Variants in THEMIS2 observed in about 807,000 individuals in gnomAD.
THEMIS2 encodes the protein protein THEMIS2.
THEMIS2 carries 29 observed loss-of-function variants against 46.8 expected under a neutral mutation model. That is an observed-to-expected ratio of 0.62 (90% CI 0.46 to 0.84). The LOEUF is 0.84. Ranked by LOEUF, THEMIS2 falls within the 40% of genes least tolerant of loss-of-function variation. The probability of loss-of-function intolerance (pLI) is 0.00; values close to 1 mark genes in which losing one functional copy is unlikely to be tolerated. For synonymous variants in THEMIS2, 335 were observed against 349.1 expected, an observed-to-expected ratio of 0.96 and a Z score of 0.45; for missense variants, 698 against 834.7, an observed-to-expected ratio of 0.84 and a Z score of 2.02.
Position 27,882,738 on chromosome 1 carries a change from T to C in THEMIS2, c.1414T>C (p.Phe472Leu), listed in dbSNP as rs780773033. 12 of 1,613,916 alleles carry C rather than the reference T, an allele frequency of 7.4e-6. No individual in the cohort carries two copies. Among genetic ancestry groups the C allele is most frequent in the Non-Finnish European group, 9.3e-6 (11 of 1,179,982 alleles). ...CCACCCCACTGACCCTCTGACCTCC[T>C]TCCTGGGCCTGCGGCTGGAGGAGAA... ...TSHPTDPLTS[F>L]LGLRLEEKIT... The change falls in exon 4 of 6, where the codon TTC (phenylalanine) becomes CTC (leucine). Residue 472 changes from phenylalanine to leucine, a missense_variant. By Grantham distance (22) the Phe-to-Leu change is conservative. Coordinates refer to ENST00000373921, the MANE Select transcript of THEMIS2 (RefSeq NM_001105556.3). This position sits in a 1 kb window ranked among gnomAD's most constrained non-coding sequence, Gnocchi z 7.6.
At position 27,882,785 on chromosome 1, in the gene THEMIS2, G is replaced by C; in HGVS notation, c.1461G>C (p.Val487=). ...LEEKITEPFL[V]VSLDSEPGMC... ...AGAAGATCACAGAGCCATTCTTGGT[G>C]GTGAGCCTAGACTCTGAGCCTGGGA... The change falls in exon 4 of 6, where the codon GTG becomes GTC. Residue 487 remains valine, a synonymous_variant. Transcript: ENST00000373921. This position sits in a 1 kb window ranked among gnomAD's most constrained non-coding sequence, Gnocchi z 7.6. 2 of 1,614,018 alleles carry C rather than the reference G, an allele frequency of 1.2e-6. No individual in the cohort carries two copies. Among genetic ancestry groups the C allele is most frequent in the Non-Finnish European group, 8.5e-7 (1 of 1,179,944 alleles).
rs2089765054 is a variant in THEMIS2 at position 27,885,989 on chromosome 1, A to G, written c.*67A>G. 4 of 1,505,730 alleles carry G rather than the reference A, an allele frequency of 2.7e-6. No homozygotes were observed. Among genetic ancestry groups the G allele is most frequent in the Non-Finnish European group, 3.7e-6 (4 of 1,084,038 alleles). The allele number at this position is 1,505,730 out of a possible 1,614,324, so 93.3% of individuals were successfully genotyped here. On this transcript the variant is annotated 3_prime_UTR_variant, in exon 6 of 6. Transcript: ENST00000373921. ...AATCCGACACCAGCCAACCATTTTA[A>G]GCCTCTAAAAGACCTCGGGCAAGTC...
Position 27,886,143 on chromosome 1 carries a change from C to G in THEMIS2, c.*221C>G. ...GCTGGTTTGGACCTAACATCTCGCA[C>G]GTGACTCCCTCAGCCTCAGAGCCTT... is the stretch of plus-strand genomic sequence containing the variant. On this transcript the variant is annotated 3_prime_UTR_variant, in exon 6 of 6. Coordinates refer to ENST00000373921, the MANE Select transcript of THEMIS2 (RefSeq NM_001105556.3). 1 of 554,284 alleles carries G rather than the reference C, an allele frequency of 1.8e-6. No homozygotes were observed. The highest frequency in any genetic ancestry group is 3.1e-5 in the East Asian group (1 of 32,592). 34.3% of individuals were successfully genotyped at this position (554,284 alleles called of 1,614,324 possible).
chr1:27,875,786 C>T lies in THEMIS2; in HGVS notation c.95-802C>T, dbSNP rs548253677. Among the ~76,000 whole-genome samples the T allele has an allele frequency of 2.8e-3, 430 of 152,150 alleles. 2 individuals carry two copies. The highest frequency in any genetic ancestry group is 4.4e-3 in the Non-Finnish European group (301 of 67,994). The stretch of plus-strand genomic sequence containing the variant: ...CGTGATCTCGGCTCACTGCAAGCTC[C>T]GCCTCCCGGGTTCACGCCATTCTCC... On this transcript the variant is annotated intron_variant, in intron 1 of 5. Transcript: ENST00000373921.
rs1309670244 is a variant in THEMIS2 at position 27,872,549 on chromosome 1, G to A, written c.-23G>A. 1 of 1,474,852 alleles carries A rather than the reference G, an allele frequency of 6.8e-7. No homozygotes were observed. The allele number at this position is 1,474,852 out of a possible 1,614,324, so 91.4% of individuals were successfully genotyped here. Reference sequence around the variant, plus strand: ...GGACCGCCCGCCCGCCCCTCAGTCTGAGCCCAGAGAGCCGCGGGGACCATG... The same window carrying A: ...GGACCGCCCGCCCGCCCCTCAGTCTAAGCCCAGAGAGCCGCGGGGACCATG... On this transcript the variant is annotated 5_prime_UTR_variant, in exon 1 of 6. Coordinates refer to ENST00000373921, the MANE Select transcript of THEMIS2 (RefSeq NM_001105556.3). This position sits in a 1 kb window ranked among gnomAD's most constrained non-coding sequence, Gnocchi z 4.9.
chr1:27,876,751 C>T, intron 2 of THEMIS2, 23 bp downstream of exon 2: 1 of 1,611,632 alleles, frequency 6.2e-7, no homozygotes, highest in East Asian at 2.2e-5. Flanking sequence ...CCTCTGCCTC[C>T]CCATGTGCCC....
At chr1:27,879,530 TG>T in intron 2 of THEMIS2, 113 bp from the exon 3 acceptor site, 1 of 929,500 alleles carries the variant, frequency 1.1e-6, no homozygotes, top group Non-Finnish European at 1.6e-6. Context: ...CACCTGTCCC[TG>T]GGGGATTCTG....
Position 27,885,913 on chromosome 1 carries a change from A to G in THEMIS2, c.1923A>G (p.Lys641=). 6.2e-7 allele frequency: 1 copy of G among 1,614,006 alleles called. No individual in the cohort carries two copies. ...DYEEILEQFQ[K]TI ...AAGAAATACTTGAGCAATTTCAGAAAACCATCTAAGTGCTGGAGGAACCAC... is the reference window on the plus strand; with the variant it reads ...AAGAAATACTTGAGCAATTTCAGAAGACCATCTAAGTGCTGGAGGAACCAC... Residue 641 remains lysine, a synonymous_variant, in exon 6 of 6, where the codon AAA becomes AAG. Transcript: ENST00000373921.
intron 2 of THEMIS2, 49 bp downstream of exon 2, chr1:27,876,777 A>C: frequency 6.2e-7 from 1 of 1,601,600 alleles, no homozygotes; most frequent in Non-Finnish European, 8.5e-7. Context: ...CTCTCCTGGC[A>C]CACCCGCAGG....
In THEMIS2 at chr1:27,883,031, G is replaced by A. The variant is rs758749666; in HGVS notation, c.1707G>A (p.Glu569=). 6 of 1,613,216 alleles carry A rather than the reference G, an allele frequency of 3.7e-6. No homozygotes were observed. In the South Asian group the frequency reaches 5.5e-5, roughly 15 times the overall value. The stretch of plus-strand genomic sequence containing the variant: ...GCAAGCAGAGGAGACACAGCAGTGA[G>A]GGAGGCGTCAAGGTACTAGTATAAT... ...GLSKQRRHSS[E]GGVKSSQVLG... Residue 569 remains glutamate, a synonymous_variant, in exon 4 of 6, where the codon GAG becomes GAA. Coordinates refer to ENST00000373921, the MANE Select transcript of THEMIS2 (RefSeq NM_001105556.3).
At chr1:27,885,068 C>G in intron 4 of THEMIS2, 1 of 454,598 alleles carries the variant, frequency 2.2e-6, no homozygotes, top group East Asian at 4.2e-5. Context: ...CACCCTGTCT[C>G]CAACCCCCAA....
chr1:27,879,790 C>G lies in THEMIS2; in HGVS notation c.382C>G (p.Gln128Glu). The G allele has an allele frequency of 6.2e-7, 1 of 1,614,136 alleles. No individual in the cohort carries two copies. Residue 128 changes from glutamine (Q) to glutamate (E), a missense_variant, in exon 3 of 6, where the codon CAG becomes GAG. Gln to Glu is a conservative substitution (Grantham distance 29, BLOSUM62 2). Coordinates refer to ENST00000373921, the MANE Select transcript of THEMIS2 (RefSeq NM_001105556.3). ...VTEGRVVTED[Q>E]LLMLEAVVMH... ...AGAGGGCAGGGTGGTGACTGAGGACCAGCTCCTCATGCTTGAGGCTGTGGT... is the reference window on the plus strand; with the variant it reads ...AGAGGGCAGGGTGGTGACTGAGGACGAGCTCCTCATGCTTGAGGCTGTGGT...
intron 1 of THEMIS2, among the ~76,000 whole-genome samples, chr1:27,876,128 G>A (rs952087737): frequency 1.3e-5 from 2 of 151,358 alleles, no homozygotes; most frequent in East Asian, 2.0e-4. Flanking sequence ...TGATCTCCAG[G>A]GAGCCACTGA....
chr1:27,884,877 T>C (rs1365178886), intron 4 of THEMIS2: 2 of 169,456 alleles, frequency 1.2e-5, no homozygotes, highest in African/African-American at 4.8e-5. Flanking sequence ...GCAGACGTCA[T>C]GTAGCATCTG....
intron 3 of THEMIS2, 31 bp from the exon 4 acceptor site, chr1:27,881,940 T>C (rs773332262): frequency 3.9e-6 from 6 of 1,551,256 alleles, no homozygotes; most frequent in Non-Finnish European, 4.4e-6. Context: ...TGGGGTGGCA[T>C]GCAGTGCCAC....
At chr1:27,880,881 G>A (rs912826828) in intron 3 of THEMIS2, among the ~76,000 whole-genome samples, 1 of 151,840 alleles carries the variant, frequency 6.6e-6, no homozygotes, top group South Asian at 2.1e-4. Flanking sequence ...AGGTTCAAGC[G>A]ATTCTCTTGC....
rs931653113 is a variant in THEMIS2 at position 27,886,036 on chromosome 1, C to T, written c.*114C>T. On this transcript the variant is annotated 3_prime_UTR_variant, in exon 6 of 6. Transcript: ENST00000373921. ...AGTCTCACAGAAACTGAGCTGCAGA[C>T]GGGGAGTAGCTTTGTGGAAACTGAT... 6.7e-5 allele frequency: 63 copies of T among 936,822 alleles called. No individual in the cohort carries two copies. Among genetic ancestry groups the T allele is most frequent in the East Asian group, 5.0e-4 (20 of 40,140 alleles). The allele number at this position is 936,822 out of a possible 1,614,324, so 58.0% of individuals were successfully genotyped here. A position where few individuals can be genotyped will look rare whatever the true frequency, so the allele number is the denominator to read the frequency against.
chr1:27,877,958 C>T (rs200169560), intron 2 of THEMIS2, among the ~76,000 whole-genome samples: 6 of 151,646 alleles, frequency 4.0e-5, no homozygotes, highest in South Asian at 2.1e-4. Context: ...AAGACCAGCC[C>T]GGCCAACATG....
At position 27,882,308 on chromosome 1, in the gene THEMIS2, A is replaced by G. The variant is rs2089695376; in HGVS notation, c.984A>G (p.Pro328=). 1 of 1,598,528 alleles carries G rather than the reference A, an allele frequency of 6.3e-7. No individual in the cohort carries two copies. The highest frequency in any genetic ancestry group is 8.5e-7 in the Non-Finnish European group (1 of 1,171,442). ...GGYQGKLRRR[P]REFPTAYDLL... ...ACCAAGGCAAGCTGCGGCGGCGGCC[A>G]AGGGAGTTCCCCACGGCCTATGACC... Residue 328 remains proline, a synonymous_variant, in exon 4 of 6, where the codon CCA becomes CCG. Coordinates refer to ENST00000373921, the MANE Select transcript of THEMIS2 (RefSeq NM_001105556.3). The surrounding 1 kb of genome is among the most constrained non-coding windows in gnomAD (Gnocchi z 7.6).
Sources: allele counts gnomAD v4.1 joint callset (sites outside exome capture counted in the v4.1 genomes callset), GRCh38; gene constraint gnomAD v4.1.1; non-coding constraint Gnocchi (gnomAD v3.1); transcripts MANE v1.5; gene names NCBI Gene and HGNC (gene_info 2026-07-23, HGNC 2026-07-21).